Variants in KIAA1328 observed in about 807,000 individuals in gnomAD.
KIAA1328 encodes the protein protein hinderin.
KIAA1328 carries 52 observed loss-of-function variants against 68.1 expected under a neutral mutation model. The ratio of observed to expected loss-of-function variants is 0.76; its 90% CI spans 0.61 to 0.96. The LOEUF (loss-of-function observed/expected upper bound fraction) is 0.96. KIAA1328 is among the 40% of genes least tolerant of loss of function. The pLI, the probability that KIAA1328 is intolerant of heterozygous loss-of-function variation, is 0.00. For missense variants in KIAA1328, 641 were observed against 677.6 expected, an observed-to-expected ratio of 0.95 and a Z score of 0.60; for synonymous variants, 232 against 239.4, an observed-to-expected ratio of 0.97 and a Z score of 0.28.
At chr18:36,990,627 C>T (rs2053136797) in intron 6 of KIAA1328, among the ~76,000 whole-genome samples, 1 of 151,930 alleles carries the variant, frequency 6.6e-6, no homozygotes, top group Non-Finnish European at 1.5e-5. Flanking sequence ...GCTGAGTTCT[C>T]ACCACTGCAC....
intron 6 of KIAA1328, among the ~76,000 whole-genome samples, chr18:37,002,228 C>CTTTTTTTTTTTTT (rs145948250): frequency 2.6e-4 from 25 of 95,136 alleles, no homozygotes; most frequent in Non-Finnish European, 3.7e-4. Context: ...ATTTTTTTTT[C>CTTTTTTTTTTTTT]TTTTTTTTTT....
chr18:36,984,683 G>A (rs536613089), intron 6 of KIAA1328, among the ~76,000 whole-genome samples: 58 of 152,036 alleles, frequency 3.8e-4, no homozygotes, highest in Admixed American at 8.5e-4. Context: ...TGAGACAAGC[G>A]GATCATGAAG....
chr18:37,180,784 CA>C (rs1192321971), intron 9 of KIAA1328, among the ~76,000 whole-genome samples: 2 of 152,070 alleles, frequency 1.3e-5, no homozygotes, highest in African/African-American at 4.8e-5. Context: ...ACTAAGATCA[CA>C]AACCTCTGCT....
intron 6 of KIAA1328, among the ~76,000 whole-genome samples, chr18:37,048,148 A>C (rs779108031): frequency 3.3e-5 from 5 of 152,244 alleles, no homozygotes; most frequent in Non-Finnish European, 5.9e-5. Context: ...CACTCAAATA[A>C]GCGAACAGAA....
chr18:37,131,056 T>C (rs1198408078), intron 7 of KIAA1328, among the ~76,000 whole-genome samples: 1 of 152,166 alleles, frequency 6.6e-6, no homozygotes, highest in African/African-American at 2.4e-5. Flanking sequence ...TAAATCACAA[T>C]AGGGGTAGGG....
At chr18:36,874,703 A>G (rs2048062668) in intron 4 of KIAA1328, among the ~76,000 whole-genome samples, 1 of 152,054 alleles carries the variant, frequency 6.6e-6, no homozygotes, top group South Asian at 2.1e-4. Context: ...CCATTTGTAA[A>G]TTTTGGCTTT....
chr18:36,973,485 A>T (rs1044420115), intron 6 of KIAA1328, among the ~76,000 whole-genome samples: 16 of 152,102 alleles, frequency 1.1e-4, no homozygotes, highest in African/African-American at 3.6e-4. Flanking sequence ...ATAATAATAA[A>T]AAATTTTGCT....
intron 6 of KIAA1328, among the ~76,000 whole-genome samples, chr18:37,047,346 C>T (rs2055514901): frequency 6.6e-6 from 1 of 152,128 alleles, no homozygotes; most frequent in Non-Finnish European, 1.5e-5. Flanking sequence ...TTTCCTTCCA[C>T]TGCCTATCAC....
At chr18:36,834,498 A>G (rs866496858) in intron 2 of KIAA1328, 143 bp downstream of exon 2, 1 of 609,138 alleles carries the variant, frequency 1.6e-6, no homozygotes, top group Middle Eastern at 3.0e-4. Context: ...TTTTTTTTGA[A>G]TATTTGTCAT....
intron 7 of KIAA1328, among the ~76,000 whole-genome samples, chr18:37,140,532 C>G (rs2058744270): frequency 6.6e-6 from 1 of 152,026 alleles, no homozygotes; most frequent in Admixed American, 6.6e-5. Flanking sequence ...CATTAAACTT[C>G]AAGAACTGAG....
intron 4 of KIAA1328, among the ~76,000 whole-genome samples, chr18:36,880,984 T>A (rs1443129769): frequency 6.6e-6 from 1 of 152,140 alleles, no homozygotes; most frequent in Non-Finnish European, 1.5e-5. Context: ...TTTTTTAGAA[T>A]TTTTTTCAGC....
intron 4 of KIAA1328, among the ~76,000 whole-genome samples, chr18:36,877,580 A>T (rs989443693): frequency 7.9e-6 from 1 of 126,608 alleles, no homozygotes. Flanking sequence ...TTTTGAGCCT[A>T]TGTGTCTTTG....
At chr18:37,062,458 G>GT (rs10712481) in intron 6 of KIAA1328, among the ~76,000 whole-genome samples, 1,673 of 142,548 alleles carry the variant, frequency 0.012, 16 homozygotes, top group Middle Eastern at 0.036. Flanking sequence ...TTTTGTTTTT[G>GT]TTTTTTTTTT....
chr18:36,989,965 G>A (rs1213014890), intron 6 of KIAA1328, among the ~76,000 whole-genome samples: 3 of 152,084 alleles, frequency 2.0e-5, no homozygotes, highest in Admixed American at 1.3e-4. Flanking sequence ...AGTGCTGGGA[G>A]TACAGGTGTG....
chr18:37,151,632 T>C (rs547601612), intron 7 of KIAA1328, among the ~76,000 whole-genome samples: 3 of 152,194 alleles, frequency 2.0e-5, no homozygotes, highest in Non-Finnish European at 4.4e-5. Context: ...CACACTCATA[T>C]GCTCAACTGT....
chr18:37,224,799 C>G lies in KIAA1328; in HGVS notation c.*2572C>G. On this transcript the variant is annotated 3_prime_UTR_variant, in exon 10 of 10. Transcript: ENST00000280020. Reference sequence around the variant, plus strand: ...GACTGGACACATGCCGAGGGCGTTGCGGATAGTGCCTCACCATTGCCCACC... The same window carrying G: ...GACTGGACACATGCCGAGGGCGTTGGGGATAGTGCCTCACCATTGCCCACC... The G allele has an allele frequency of 5.1e-6, 5 of 985,378 alleles. No individual in the cohort carries two copies. The highest frequency in any genetic ancestry group is 6.0e-6 in the Non-Finnish European group (5 of 829,940). 61.0% of individuals were successfully genotyped at this position (985,378 alleles called of 1,614,324 possible).
intron 7 of KIAA1328, among the ~76,000 whole-genome samples, chr18:37,086,122 A>C (rs1483504424): frequency 6.6e-6 from 1 of 152,156 alleles, no homozygotes; most frequent in Non-Finnish European, 1.5e-5. Context: ...AAGACTGCAA[A>C]GTTTCAGTGA....
chr18:36,873,729 T>G (rs1378600400), intron 4 of KIAA1328, among the ~76,000 whole-genome samples: 1 of 152,206 alleles, frequency 6.6e-6, no homozygotes, highest in Non-Finnish European at 1.5e-5. Flanking sequence ...GGGATACATG[T>G]GCAGAACGTG....
intron 6 of KIAA1328, among the ~76,000 whole-genome samples, chr18:36,973,957 A>T (rs1400964556): frequency 6.6e-6 from 1 of 152,172 alleles, no homozygotes; most frequent in African/African-American, 2.4e-5. Context: ...ATTCAAAATG[A>T]AACCTGAAAA....
Sources: allele counts gnomAD v4.1 joint callset (sites outside exome capture counted in the v4.1 genomes callset), GRCh38; gene constraint gnomAD v4.1.1; transcripts MANE v1.5; gene names NCBI Gene and HGNC (gene_info 2026-07-23, HGNC 2026-07-21).